CEMIP2: variants seen among roughly 807,000 people sequenced by gnomAD.
CEMIP2 encodes the protein cell surface hyaluronidase CEMIP2.
A neutral mutation model predicts 146.9 loss-of-function variants in CEMIP2; 79 were observed. The ratio of observed to expected loss-of-function variants is 0.54; its 90% CI spans 0.45 to 0.65. The LOEUF is 0.65. CEMIP2 is among the 30% of genes least tolerant of loss of function. CEMIP2 has a pLI of 0.00. For missense variants in CEMIP2, 1,596 were observed against 1,696.2 expected (o/e 0.94, Z 1.04); for synonymous variants, 601 against 606.3 (o/e 0.99, Z 0.13).
At chr9:71,713,815 T>C (rs2131914170) in intron 15 of CEMIP2, among the ~76,000 whole-genome samples, 1 of 152,338 alleles carries the variant, frequency 6.6e-6, no homozygotes, top group South Asian at 2.1e-4. Context: ...AACAGGATGC[T>C]GGCAGAACCT....
In CEMIP2 at chr9:71,745,178, T is replaced by G. The variant is rs746693730; in HGVS notation, c.874A>C (p.Asn292His). Residue 292 changes from asparagine (N) to histidine (H), a missense_variant, in exon 4 of 24, where the codon AAT becomes CAT. Asn to His is a moderately conservative substitution (Grantham distance 68, BLOSUM62 1). Transcript: ENST00000377044. ...SERFDTHEYR[N>H]ESRRLQEFLR... ...AACTCCTGAAGCCGCCTGCTCTCAT[T>G]GCGGTATTCATGGGTATCAAATCTC... The G allele has an allele frequency of 3.1e-6, 5 of 1,614,128 alleles. No individual in the cohort carries two copies. The South Asian group carries it at 5.5e-5, about 18-fold the overall frequency.
chr9:71,718,179 C>A, intron 12 of CEMIP2, 100 bp from the exon 13 acceptor site: 3 of 1,118,246 alleles, frequency 2.7e-6, no homozygotes, highest in South Asian at 2.5e-5. Flanking sequence ...TAAATTTGAC[C>A]AAAACAAATG....
chr9:71,751,684 T>C (rs1824259510), intron 1 of CEMIP2, among the ~76,000 whole-genome samples: 1 of 152,146 alleles, frequency 6.6e-6, no homozygotes, highest in South Asian at 2.1e-4. Context: ...AAATATATCT[T>C]GGCAGGTCAC....
At chr9:71,723,047 G>A (rs1589145596) in intron 11 of CEMIP2, among the ~76,000 whole-genome samples, 1 of 139,464 alleles carries the variant, frequency 7.2e-6, no homozygotes, top group Non-Finnish European at 1.5e-5. Flanking sequence ...GAGGAGGTGG[G>A]AGGAAGGAGC....
chr9:71,735,190 C>T (rs1219397010), intron 5 of CEMIP2, among the ~76,000 whole-genome samples, 196 bp from the exon 6 acceptor site: 1 of 152,028 alleles, frequency 6.6e-6, no homozygotes, highest in Non-Finnish European at 1.5e-5. Context: ...GAGATCCCTG[C>T]CTTCAAGGGG....
intron 1 of CEMIP2, among the ~76,000 whole-genome samples, chr9:71,761,537 C>T (rs190764087): frequency 1.5e-3 from 236 of 152,318 alleles, no homozygotes; most frequent in Non-Finnish European, 2.9e-3. Flanking sequence ...CTATCAATGG[C>T]AGGGCCAGGA....
intron 1 of CEMIP2, among the ~76,000 whole-genome samples, chr9:71,750,696 C>G (rs948161295): frequency 6.6e-6 from 1 of 152,008 alleles, no homozygotes; most frequent in Non-Finnish European, 1.5e-5. Context: ...ATCCACCCAC[C>G]TCAGCCTCCC....
chr9:71,688,156 C>A (rs1015702209), intron 22 of CEMIP2, among the ~76,000 whole-genome samples: 1 of 152,152 alleles, frequency 6.6e-6, no homozygotes, highest in African/African-American at 2.4e-5. Flanking sequence ...TGTGCCTGAA[C>A]TCTTGGCCGG....
rs1054484587 is a variant in CEMIP2, at chr9:71,726,816, G to C, written c.2050-1107C>G. ...ACTCTTCTGGGCACAAAACAGACAA[G>C]TTGACGGGATAAGACCTGGAGGGTC... On this transcript the variant is annotated intron_variant, in intron 10 of 23. Coordinates refer to ENST00000377044, the MANE Select transcript of CEMIP2 (RefSeq NM_013390.3). 1.3e-5 allele frequency among the ~76,000 whole-genome samples: 2 copies of C among 152,156 alleles called. 1 individual carries two copies. The highest frequency in any genetic ancestry group is 2.9e-5 in the Non-Finnish European group (2 of 68,026).
intron 3 of CEMIP2, 68 bp from the exon 4 acceptor site, chr9:71,745,647 C>A: frequency 1.4e-6 from 2 of 1,443,292 alleles, no homozygotes; most frequent in South Asian, 1.4e-5. Flanking sequence ...AAATAGATTT[C>A]ACCTTAAGTT....
intron 1 of CEMIP2, among the ~76,000 whole-genome samples, chr9:71,764,398 A>C (rs1035978309): frequency 2.0e-5 from 3 of 152,148 alleles, no homozygotes; most frequent in Non-Finnish European, 4.4e-5. Flanking sequence ...AACAGGAATA[A>C]AATAAGAATA....
At chr9:71,700,281 A>G (rs1822522789) in intron 19 of CEMIP2, among the ~76,000 whole-genome samples, 1 of 152,256 alleles carries the variant, frequency 6.6e-6, no homozygotes, top group Non-Finnish European at 1.5e-5. Context: ...AGTCAGGAAG[A>G]GAAAAATGAG....
intron 4 of CEMIP2, among the ~76,000 whole-genome samples, chr9:71,744,402 A>C (rs1296011060): frequency 6.6e-5 from 10 of 151,946 alleles, no homozygotes; most frequent in Non-Finnish European, 1.0e-4. Context: ...GGAATAGGGT[A>C]CAAGAACCAT....
intron 12 of CEMIP2, among the ~76,000 whole-genome samples, chr9:71,720,669 T>C (rs1823208130): frequency 6.6e-6 from 1 of 152,236 alleles, no homozygotes; most frequent in Non-Finnish European, 1.5e-5. Context: ...TGGTGTTTAA[T>C]ATATGAGCTG....
intron 13 of CEMIP2, 27 bp downstream of exon 13, chr9:71,717,921 T>C (rs1554683267): frequency 7.5e-6 from 12 of 1,590,068 alleles, no homozygotes; most frequent in Non-Finnish European, 9.4e-6. Flanking sequence ...AGTGTCATCA[T>C]ATAATAACTT....
At chr9:71,712,350 C>T (rs756970486) in intron 15 of CEMIP2, 90 bp from the exon 16 acceptor site, 52 of 1,315,006 alleles carry the variant, frequency 4.0e-5, no homozygotes, top group East Asian at 7.0e-5. Flanking sequence ...GCTAAATATC[C>T]GGTATGAACT....
chr9:71,756,345 AT>A (rs1435258254), intron 1 of CEMIP2, among the ~76,000 whole-genome samples: 1 of 151,196 alleles, frequency 6.6e-6, no homozygotes, highest in African/African-American at 2.4e-5. Context: ...GTATATATAT[AT>A]GTATATACAT....
intron 15 of CEMIP2, among the ~76,000 whole-genome samples, chr9:71,713,329 C>T (rs528534886): frequency 1.1e-4 from 17 of 152,180 alleles, no homozygotes; most frequent in African/African-American, 4.1e-4. Context: ...CTCTTTTTGC[C>T]TGCTGCCATC....
intron 6 of CEMIP2, 114 bp downstream of exon 6, chr9:71,734,692 A>T (rs1823713176): frequency 1.1e-6 from 1 of 903,370 alleles, no homozygotes; most frequent in Admixed American, 2.6e-5. Context: ...AATACTGATG[A>T]TTGTGATGGT....
Sources: allele counts gnomAD v4.1 joint callset (sites outside exome capture counted in the v4.1 genomes callset), GRCh38; gene constraint gnomAD v4.1.1; transcripts MANE v1.5; gene names NCBI Gene and HGNC (gene_info 2026-07-23, HGNC 2026-07-21).